The following PRDM15 variants were observed in gnomAD, a reference collection of about 807,000 sequenced individuals.
PRDM15 encodes the protein PR domain zinc finger protein 15.
PRDM15 carries 64 observed loss-of-function variants against 128.6 expected under a neutral mutation model. That is an observed-to-expected ratio of 0.50 (90% CI 0.41 to 0.61). The LOEUF is 0.61. Ranked by LOEUF, PRDM15 falls within the 20% of genes least tolerant of loss-of-function variation. The pLI is 0.00. For synonymous variants in PRDM15, 615 were observed against 621.8 expected (o/e 0.99, Z 0.16); for missense variants, 1,242 against 1,569.1 (o/e 0.79, Z 3.52).
chr21:41,849,397 G>A (rs556244284), intron 5 of PRDM15, among the ~76,000 whole-genome samples: 4 of 151,398 alleles, frequency 2.6e-5, no homozygotes, highest in South Asian at 4.2e-4. Context: ...GCAAAACGCC[G>A]TCTCTACTAA....
chr21:41,874,525 A>ATATATTTTTTTTT, intron 1 of PRDM15, among the ~76,000 whole-genome samples: 29 of 95,812 alleles, frequency 3.0e-4, no homozygotes, highest in African/African-American at 5.4e-4. Context: ...ATATATATAT[A>ATATATTTTTTTTT]TTTTTTTTTT....
rs1265015719 is a variant in PRDM15, at chr21:41,862,459, A to G, written c.-9-2087T>C. ...TGCCCACCCCTTCTAGGTGCCCCCA[A>G]AAAAGGTCCCCTCTGAGCGGAGCTG... is the stretch of plus-strand genomic sequence containing the variant. On this transcript the variant is annotated intron_variant, in intron 1 of 23. Coordinates refer to ENST00000398548, the MANE Select transcript of PRDM15 (RefSeq NM_001040424.3). The surrounding 1 kb of genome is among the most constrained non-coding windows in gnomAD (Gnocchi z 4.1). Among the ~76,000 whole-genome samples, 1 of 152,082 alleles carries G rather than the reference A, an allele frequency of 6.6e-6. No individual in the cohort carries two copies. Among genetic ancestry groups the G allele is most frequent in the Non-Finnish European group, 1.5e-5 (1 of 67,994 alleles).
At chr21:41,806,433 CCACCACCAT>C (rs2061638822) in intron 21 of PRDM15, among the ~76,000 whole-genome samples, 3 of 46,014 alleles carry the variant, frequency 6.5e-5, no homozygotes, top group Non-Finnish European at 1.3e-4. Context: ...ACCATCACCA[CCACCACCAT>C]CACCACCACC....
At chr21:41,839,318 C>T (rs921776088) in intron 7 of PRDM15, among the ~76,000 whole-genome samples, 3 of 152,244 alleles carry the variant, frequency 2.0e-5, no homozygotes, top group Admixed American at 6.5e-5. Flanking sequence ...GTACAGAAGA[C>T]AGTCAGGAAA....
intron 11 of PRDM15, among the ~76,000 whole-genome samples, chr21:41,829,750 C>G (rs2062617285): frequency 6.6e-6 from 1 of 151,412 alleles, no homozygotes; most frequent in African/African-American, 2.4e-5. Context: ...ATACCACATA[C>G]ACACACATTC....
At chr21:41,875,702 T>C (rs2064388952) in intron 1 of PRDM15, among the ~76,000 whole-genome samples, 1 of 152,258 alleles carries the variant, frequency 6.6e-6, no homozygotes, top group Non-Finnish European at 1.5e-5. Context: ...CCCAACGTTA[T>C]ATATTCATGC....
chr21:41,804,364 G>C (rs1208055854), intron 22 of PRDM15, among the ~76,000 whole-genome samples, 170 bp downstream of exon 22: 2 of 152,202 alleles, frequency 1.3e-5, no homozygotes, highest in African/African-American at 4.8e-5. Flanking sequence ...CAGAAACGAG[G>C]AGATGATCTA....
At chr21:41,812,963 CCA>C in intron 19 of PRDM15, 1 of 152,408 alleles carries the variant, frequency 6.6e-6, no homozygotes, top group South Asian at 2.1e-4. Context: ...TGTATGTGGT[CCA>C]CAGAGAGGGA....
chr21:41,809,223 G>A (rs11909982), intron 21 of PRDM15, among the ~76,000 whole-genome samples: 2,654 of 147,320 alleles, frequency 0.018, 77 homozygotes, highest in African/African-American at 0.063. Flanking sequence ...CATGGCCTAT[G>A]CAAATTTTTT....
chr21:41,855,340 T>C (rs2063546793), intron 4 of PRDM15, among the ~76,000 whole-genome samples: 1 of 152,228 alleles, frequency 6.6e-6, no homozygotes, highest in Non-Finnish European at 1.5e-5. Context: ...ACAGCACTAT[T>C]GCTTTATGGA....
At chr21:41,836,871 C>T (rs1426971496) in intron 8 of PRDM15, 7 of 414,212 alleles carry the variant, frequency 1.7e-5, no homozygotes, top group Non-Finnish European at 3.1e-5. Flanking sequence ...GCAACAGCCA[C>T]ACACCTGACT....
At chr21:41,852,498 C>T (rs2063461104) in intron 5 of PRDM15, among the ~76,000 whole-genome samples, 1 of 152,266 alleles carries the variant, frequency 6.6e-6, no homozygotes, top group Admixed American at 6.5e-5. Context: ...AGGCCAGGCA[C>T]CTGGTTTTGG....
intron 21 of PRDM15, among the ~76,000 whole-genome samples, chr21:41,806,647 C>CCACCCAT (rs2061676158): frequency 9.6e-5 from 1 of 10,462 alleles, no homozygotes; most frequent in Admixed American, 9.6e-4. Flanking sequence ...ACCATCACCA[C>CCACCCAT]CACCATCACC....
chr21:41,878,795 G>T, intron 1 of PRDM15: 1 of 1,282,982 alleles, frequency 7.8e-7, no homozygotes, highest in East Asian at 3.0e-5. Flanking sequence ...ACATCCCCTG[G>T]GGCCTCGGCG....
In PRDM15 at chr21:41,862,064, G is replaced by C; in HGVS notation, c.-9-1692C>G. The C allele has an allele frequency of 7.9e-7, 1 of 1,273,576 alleles. No homozygotes were observed. The highest frequency in any genetic ancestry group is 1.1e-6 in the Non-Finnish European group (1 of 881,176). The allele number at this position is 1,273,576 out of a possible 1,614,324, so 78.9% of individuals were successfully genotyped here. Reference sequence around the variant, plus strand: ...CCAGTCTGGGATGGGGGCTCAGCTGGGCAGTGAGCAGGAGATGAACAGGAC... The same window carrying C: ...CCAGTCTGGGATGGGGGCTCAGCTGCGCAGTGAGCAGGAGATGAACAGGAC... On this transcript the variant is annotated intron_variant, in intron 1 of 23. Transcript: ENST00000398548. The surrounding 1 kb of genome is among the most constrained non-coding windows in gnomAD (Gnocchi z 4.1).
intron 5 of PRDM15, among the ~76,000 whole-genome samples, chr21:41,852,682 C>T (rs1034537386): frequency 3.9e-5 from 6 of 152,196 alleles, no homozygotes; most frequent in African/African-American, 1.4e-4. Flanking sequence ...CCGAAGAGGA[C>T]GCCGCCACCG....
chr21:41,851,264 C>T (rs1455023781), intron 5 of PRDM15, among the ~76,000 whole-genome samples: 1 of 152,260 alleles, frequency 6.6e-6, no homozygotes, highest in Non-Finnish European at 1.5e-5. Flanking sequence ...CCAGTCTGAA[C>T]AGTGAGAACT....
chr21:41,834,413 G>C, intron 11 of PRDM15: 2 of 1,184,988 alleles, frequency 1.7e-6, no homozygotes, highest in Non-Finnish European at 2.5e-6. Context: ...CTCAACACAG[G>C]GGCGGGTGGC....
rs893335795 is a variant in PRDM15, at chr21:41,862,704, C to T, written c.-9-2332G>A. ...TGGGCTGCAGATCAGGCCTGATAAA[C>T]GGAGCATCTTCAAAGTCTTTGCTGT... On this transcript the variant is annotated intron_variant, in intron 1 of 23. Transcript: ENST00000398548. This position sits in a 1 kb window ranked among gnomAD's most constrained non-coding sequence, Gnocchi z 4.1. 4.6e-5 allele frequency among the ~76,000 whole-genome samples: 7 copies of T among 152,268 alleles called. No individual in the cohort carries two copies. In the East Asian group the frequency reaches 5.8e-4, roughly 13 times the overall value.
Sources: gnomAD v4.1 joint callset for allele counts (sites outside exome capture counted in the v4.1 genomes callset) on GRCh38, gnomAD v4.1.1 for gene constraint, Gnocchi (gnomAD v3.1) non-coding constraint, MANE v1.5 for transcripts, NCBI Gene and HGNC (gene_info 2026-07-23, HGNC 2026-07-21) for gene names.